Variants in PUM1 observed in about 807,000 individuals in gnomAD.
The protein encoded by PUM1 is pumilio RNA binding family member 1, also known as pumilio homolog 1.
PUM1 carries 13 observed loss-of-function variants against 131.8 expected under a neutral mutation model. The ratio of observed to expected loss-of-function variants is 0.10; its 90% CI spans 0.06 to 0.16. The LOEUF (loss-of-function observed/expected upper bound fraction) is 0.16. PUM1 is among the 10% of genes least tolerant of loss of function. The pLI, the probability that PUM1 is intolerant of heterozygous loss-of-function variation, is 1.00. For synonymous variants in PUM1, 509 were observed against 556.5 expected (o/e 0.91, Z 1.20); for missense variants, 961 against 1,512.4 (o/e 0.64, Z 6.05).
At chr1:30,999,858 G>C (rs985398645) in intron 5 of PUM1, among the ~76,000 whole-genome samples, 1 of 152,160 alleles carries the variant, frequency 6.6e-6, no homozygotes, top group Non-Finnish European at 1.5e-5. Context: ...GTGTTTCTTT[G>C]TAACACTATA....
chr1:31,015,216 T>A (rs1353096445), intron 3 of PUM1, among the ~76,000 whole-genome samples: 1 of 152,222 alleles, frequency 6.6e-6, no homozygotes, highest in Non-Finnish European at 1.5e-5. Flanking sequence ...AAATATACTT[T>A]TGTTATGATT....
chr1:30,957,014 T>C (rs1200322977), intron 14 of PUM1, among the ~76,000 whole-genome samples: 10 of 151,908 alleles, frequency 6.6e-5, no homozygotes, highest in African/African-American at 2.4e-4. Flanking sequence ...GGTTAATACA[T>C]TTACCGTGAA....
At chr1:30,993,137 A>G (rs141501003) in intron 6 of PUM1, among the ~76,000 whole-genome samples, 320 of 152,270 alleles carry the variant, frequency 2.1e-3, no homozygotes, top group African/African-American at 7.0e-3. Flanking sequence ...AAACAGAATG[A>G]AAAAAGTTTT....
chr1:30,951,527 C>T (rs1188092094), intron 16 of PUM1, among the ~76,000 whole-genome samples: 2 of 152,262 alleles, frequency 1.3e-5, no homozygotes, highest in East Asian at 3.9e-4. Flanking sequence ...CCTCCCCATA[C>T]CAGACTCCTC....
intron 2 of PUM1, among the ~76,000 whole-genome samples, chr1:31,029,639 T>C (rs757484628): frequency 6.6e-6 from 1 of 152,242 alleles, no homozygotes; most frequent in Non-Finnish European, 1.5e-5. Flanking sequence ...AGCATGTCTC[T>C]GCTGTCTGAG....
intron 14 of PUM1, among the ~76,000 whole-genome samples, chr1:30,960,415 C>G (rs1323883871): frequency 2.0e-5 from 3 of 152,090 alleles, no homozygotes; most frequent in African/African-American, 7.2e-5. Context: ...ACAGTGCAAT[C>G]AGACAAGAAA....
chr1:31,060,595 C>T (rs570146196), intron 1 of PUM1, among the ~76,000 whole-genome samples: 2 of 152,098 alleles, frequency 1.3e-5, no homozygotes, highest in African/African-American at 4.8e-5. Flanking sequence ...CTTAAAGTGT[C>T]CAACATATTG....
At chr1:30,950,023 CA>C in intron 17 of PUM1, 103 bp downstream of exon 17, 1 of 1,365,586 alleles carries the variant, frequency 7.3e-7, no homozygotes, top group Non-Finnish European at 9.9e-7. Context: ...AGCAACAATG[CA>C]AAACCATAAA....
chr1:31,004,915 T>C (rs965565749), intron 5 of PUM1, among the ~76,000 whole-genome samples: 16 of 152,208 alleles, frequency 1.1e-4, no homozygotes, highest in Non-Finnish European at 2.2e-4. Flanking sequence ...TAAAATCTTT[T>C]AAATGACTGT....
intron 3 of PUM1, among the ~76,000 whole-genome samples, chr1:31,012,202 T>G (rs192826431): frequency 6.9e-5 from 6 of 87,366 alleles, no homozygotes; most frequent in African/African-American, 2.7e-4. Flanking sequence ...CTAAGAGTTG[T>G]TTTTTTTCCT....
chr1:30,938,876 GAGATAGATAGATAGAT>G (rs56230812), intron 20 of PUM1, among the ~76,000 whole-genome samples: 1 of 147,538 alleles, frequency 6.8e-6, no homozygotes, highest in East Asian at 2.1e-4. Context: ...TTCATAGATA[GAGATAGATAGATAGAT>G]AGATAGATAG....
chr1:30,933,152 G>T lies in PUM1; in HGVS notation c.*59C>A, dbSNP rs1001245041. ...ACTAGAACATTTCTGGTTGCTGGTT[G>T]GATTTGCCAGTGGGCCAGTGAGGTC... On this transcript the variant is annotated 3_prime_UTR_variant, in exon 22 of 22. Transcript: ENST00000426105. The T allele has an allele frequency of 1.3e-4, 207 of 1,556,734 alleles. No homozygotes were observed. The highest frequency in any genetic ancestry group is 1.6e-4 in the Non-Finnish European group (189 of 1,150,338).
At chr1:31,018,917 T>A (rs1642920907) in intron 3 of PUM1, among the ~76,000 whole-genome samples, 1 of 152,192 alleles carries the variant, frequency 6.6e-6, no homozygotes, top group African/African-American at 2.4e-5. Context: ...GATCCAAATG[T>A]GTGCATATAG....
At chr1:30,952,672 A>AGGGGGGGGGGGGGGG (rs1489893024) in intron 15 of PUM1, among the ~76,000 whole-genome samples, 2 of 10,542 alleles carry the variant, frequency 1.9e-4, no homozygotes, top group Admixed American at 1.4e-3. Context: ...GGAAGATGAA[A>AGGGGGGGGGGGGGGG]GCGGGGGGGG....
rs547384237 is a variant in PUM1 at position 31,010,154 on chromosome 1, T to C, written c.433-3052A>G. ...AAAGCAAAAGACTGAACCAAGGTGC[T>C]TGGGCAAAGACAGAAGCAAAATTAG... On this transcript the variant is annotated intron_variant, in intron 3 of 21. Transcript: ENST00000426105. 9.2e-5 allele frequency among the ~76,000 whole-genome samples: 14 copies of C among 152,310 alleles called. No homozygotes were observed. The South Asian group carries it at 2.9e-3, about 32-fold the overall frequency.
chr1:31,017,375 AG>A lies in PUM1; in HGVS notation c.433-10274del, dbSNP rs1314157376. Among the ~76,000 whole-genome samples the A allele has an allele frequency of 2.6e-5, 4 of 152,358 alleles. No homozygotes were observed. In the East Asian group the frequency reaches 7.7e-4, roughly 29 times the overall value. Reference sequence around the variant, plus strand: ...ACCAATGAAGAAATGAACCTGGGATAGGATGGTCAAGAAGTATCTTAAAGAA... The same window carrying A: ...ACCAATGAAGAAATGAACCTGGGATAGATGGTCAAGAAGTATCTTAAAGAA... On this transcript the variant is annotated intron_variant, in intron 3 of 21. Transcript: ENST00000426105.
chr1:30,979,913 G>A (rs1641293043), intron 9 of PUM1, 149 bp downstream of exon 9: 3 of 592,448 alleles, frequency 5.1e-6, no homozygotes, highest in Non-Finnish European at 8.8e-6. Flanking sequence ...CAGCTACGGA[G>A]AGATATTAAG....
intron 17 of PUM1, among the ~76,000 whole-genome samples, chr1:30,945,933 G>C (rs536318998): frequency 6.6e-6 from 1 of 151,938 alleles, no homozygotes; most frequent in African/African-American, 2.4e-5. Context: ...TTACAGGTGT[G>C]TACCACCACA....
In PUM1 at chr1:30,932,619, CAACTCTGAAACCTTT is replaced by C. The variant is rs1356722464; in HGVS notation, c.*577_*591del. ...TTAATGTCACAAACTGAAGCTTTAG[CAACTCTGAAACCTTT>C]TTCATTATATATATATATATATATA... On this transcript the variant is annotated 3_prime_UTR_variant, in exon 22 of 22. Coordinates refer to ENST00000426105, the MANE Select transcript of PUM1 (RefSeq NM_001020658.2). The C allele has an allele frequency of 1.4e-5, 2 of 143,828 alleles. No individual in the cohort carries two copies. The highest frequency in any genetic ancestry group is 4.0e-4 in the East Asian group (2 of 4,966). The allele number at this position is 143,828 out of a possible 1,614,324, so 8.9% of individuals were successfully genotyped here.
Sources: gnomAD v4.1 joint callset for allele counts (sites outside exome capture counted in the v4.1 genomes callset) on GRCh38, gnomAD v4.1.1 for gene constraint, MANE v1.5 for transcripts, NCBI Gene and HGNC (gene_info 2026-07-23, HGNC 2026-07-21) for gene names.